Variants in COX10 observed in about 807,000 individuals in gnomAD.
COX10 encodes the protein protoheme IX farnesyltransferase, mitochondrial.
COX10 carries 27 observed loss-of-function variants against 37.3 expected under a neutral mutation model. The ratio of observed to expected loss-of-function variants is 0.72; its 90% CI spans 0.53 to 1.00. COX10 has a LOEUF of 1.00. Ranked by LOEUF, COX10 falls within the 50% of genes least tolerant of loss-of-function variation. COX10 has a pLI of 0.00. For synonymous variants in COX10, 222 were observed against 229.1 expected (o/e 0.97, Z 0.28); for missense variants, 475 against 563.2 (o/e 0.84, Z 1.59).
rs115327481 is a variant in COX10, at chr17:14,074,014, G to A, written c.44-309G>A. 7.2e-3 allele frequency among the ~76,000 whole-genome samples: 1,098 copies of A among 151,988 alleles called. 8 individuals carry two copies. Among genetic ancestry groups the A allele is most frequent in the South Asian group, 0.02 (96 of 4,800 alleles). ...TCTACTTTTGAAAAATTGACTGAACGGGTTGTTTTATATTTTCTTAAGAAG... is the reference window on the plus strand; with the variant it reads ...TCTACTTTTGAAAAATTGACTGAACAGGTTGTTTTATATTTTCTTAAGAAG... On this transcript the variant is annotated intron_variant, in intron 1 of 6. Coordinates refer to ENST00000261643, the MANE Select transcript of COX10 (RefSeq NM_001303.4).
At chr17:14,120,674 GA>G (rs1252585496) in intron 4 of COX10, among the ~76,000 whole-genome samples, 3 of 152,142 alleles carry the variant, frequency 2.0e-5, no homozygotes, top group African/African-American at 7.2e-5. Flanking sequence ...GGATAAAAAT[GA>G]ATGGTAGTTC....
At chr17:14,093,223 A>G (rs1245135290) in intron 3 of COX10, among the ~76,000 whole-genome samples, 1 of 152,118 alleles carries the variant, frequency 6.6e-6, no homozygotes, top group African/African-American at 2.4e-5. Context: ...ATCCAACTTG[A>G]TTTTTTGGAC....
intron 6 of COX10, among the ~76,000 whole-genome samples, chr17:14,193,691 C>A (rs1220111682): frequency 6.8e-6 from 1 of 147,476 alleles, no homozygotes; most frequent in Non-Finnish European, 1.5e-5. Flanking sequence ...AGTTGACCTT[C>A]ACAGAGCACA....
chr17:14,086,986 TC>T (rs1915422584), intron 3 of COX10, among the ~76,000 whole-genome samples: 1 of 152,236 alleles, frequency 6.6e-6, no homozygotes, highest in Non-Finnish European at 1.5e-5. Flanking sequence ...CTTTTAACAT[TC>T]TGCTGTGGCA....
intron 3 of COX10, chr17:14,077,291 T>C: frequency 2.0e-6 from 1 of 506,452 alleles, no homozygotes; most frequent in Non-Finnish European, 3.5e-6. Flanking sequence ...ACCCTTTCCT[T>C]TGCAATTAAA....
chr17:14,125,879 G>T (rs1024477596), intron 4 of COX10, among the ~76,000 whole-genome samples: 1 of 152,154 alleles, frequency 6.6e-6, no homozygotes, highest in Non-Finnish European at 1.5e-5. Flanking sequence ...GTGAGGAGGA[G>T]AACTATTCCA....
chr17:14,207,452 T>A lies in COX10; in HGVS notation c.*239T>A. On this transcript the variant is annotated 3_prime_UTR_variant, in exon 7 of 7. Transcript: ENST00000261643. ...AAGGAATTATTTTTCCCTTTGAGGGTCTTTATACATCTCTCCTCCAACCCC... is the reference window on the plus strand; with the variant it reads ...AAGGAATTATTTTTCCCTTTGAGGGACTTTATACATCTCTCCTCCAACCCC... 1 of 547,682 alleles carries A rather than the reference T, an allele frequency of 1.8e-6. No individual in the cohort carries two copies. The allele number at this position is 547,682 out of a possible 1,614,324, so 33.9% of individuals were successfully genotyped here. A position where few individuals can be genotyped will look rare whatever the true frequency, so the allele number is the denominator to read the frequency against.
At chr17:14,129,872 C>G (rs1229197042) in intron 4 of COX10, among the ~76,000 whole-genome samples, 1 of 152,132 alleles carries the variant, frequency 6.6e-6, no homozygotes, top group East Asian at 1.9e-4. Flanking sequence ...ATTGCAAGCC[C>G]ATTTCTTTTC....
chr17:14,111,838 G>C (rs1916010419), intron 4 of COX10, among the ~76,000 whole-genome samples: 1 of 152,096 alleles, frequency 6.6e-6, no homozygotes, highest in African/African-American at 2.4e-5. Context: ...TGTGGATAAA[G>C]ATCCTTCCCC....
intron 1 of COX10, among the ~76,000 whole-genome samples, chr17:14,073,966 A>G: frequency 6.6e-6 from 1 of 152,330 alleles, no homozygotes; most frequent in East Asian, 1.9e-4. Flanking sequence ...GTCATTTATT[A>G]AGAAAAATTG....
rs104894560 is a variant in COX10 at position 14,102,230 on chromosome 17, C to A, written c.612C>A (p.Asn204Lys). ...CAGGCCTTGCATCCTGTGCTGCCAA[C>A]TCCATCAATCAGGTCAGTTTCTCAC... ...VGTGLASCAA[N>K]SINQFFEVPF... The change falls in exon 4 of 7, where the codon AAC becomes AAA. Residue 204 changes from asparagine to lysine, a missense_variant. Around this residue, in one of 5 missense-constraint regions of COX10, gnomAD observed 242 missense variants for 242.5 expected, o/e 1.00. Coordinates refer to ENST00000261643, the MANE Select transcript of COX10 (RefSeq NM_001303.4). The A allele has an allele frequency of 6.2e-7, 1 of 1,613,658 alleles. No individual in the cohort carries two copies. Among genetic ancestry groups the A allele is most frequent in the Admixed American group, 1.7e-5 (1 of 59,990 alleles).
intron 5 of COX10, among the ~76,000 whole-genome samples, chr17:14,172,085 C>CG (rs1905487797): frequency 1.3e-5 from 2 of 152,150 alleles, no homozygotes; most frequent in Non-Finnish European, 2.9e-5. Flanking sequence ...ACTTCTCTGC[C>CG]TTCTTCCTAA....
chr17:14,171,120 T>C (rs2142247923), intron 5 of COX10, among the ~76,000 whole-genome samples: 1 of 152,192 alleles, frequency 6.6e-6, no homozygotes, highest in Non-Finnish European at 1.5e-5. Context: ...ATTAAGTTGG[T>C]AGGCAAAAAA....
At chr17:14,183,173 A>G (rs1166921599) in intron 5 of COX10, among the ~76,000 whole-genome samples, 6 of 150,510 alleles carry the variant, frequency 4.0e-5, no homozygotes, top group African/African-American at 1.5e-4. Flanking sequence ...GATGCTCAGT[A>G]GAAAGACATC....
At chr17:14,087,075 CT>C (rs755024013) in intron 3 of COX10, among the ~76,000 whole-genome samples, 9 of 152,212 alleles carry the variant, frequency 5.9e-5, no homozygotes, top group Admixed American at 1.3e-4. Context: ...TACAAATTTA[CT>C]TTTTCTGTTC....
At chr17:14,106,016 T>C (rs1348148894) in intron 4 of COX10, among the ~76,000 whole-genome samples, 1 of 4,242 alleles carries the variant, frequency 2.4e-4, no homozygotes, top group Non-Finnish European at 8.5e-3. Flanking sequence ...TGTTTTTTTG[T>C]TTTTGTTTTT....
intron 4 of COX10, among the ~76,000 whole-genome samples, chr17:14,112,049 C>T (rs1324118230): frequency 6.6e-6 from 1 of 152,070 alleles, no homozygotes; most frequent in Non-Finnish European, 1.5e-5. Context: ...GAGCGCGTGG[C>T]TGAAGAGTGT....
At chr17:14,077,150 G>A in intron 3 of COX10, 94 bp downstream of exon 3, 1 of 1,167,500 alleles carries the variant, frequency 8.6e-7, no homozygotes, top group Non-Finnish European at 1.2e-6. Context: ...AGAATAATTT[G>A]GAACTGCAGG....
chr17:14,188,943 C>A (rs1363326347), intron 5 of COX10, among the ~76,000 whole-genome samples: 1 of 145,478 alleles, frequency 6.9e-6, no homozygotes, highest in Admixed American at 7.0e-5. Flanking sequence ...TGGCCATGAG[C>A]TTTGCTCTTG....
Sources: allele counts gnomAD v4.1 joint callset (sites outside exome capture counted in the v4.1 genomes callset), GRCh38; gene constraint gnomAD v4.1.1; regional missense constraint gnomAD v4.1.1; transcripts MANE v1.5; gene names NCBI Gene and HGNC (gene_info 2026-07-23, HGNC 2026-07-21).